MARCHF11: variants seen among roughly 807,000 people sequenced by gnomAD.
MARCHF11 encodes the protein E3 ubiquitin-protein ligase MARCHF11.
A neutral mutation model predicts 37.3 loss-of-function variants in MARCHF11; 29 were observed. The ratio of observed to expected loss-of-function variants is 0.78; its 90% CI spans 0.58 to 1.06. MARCHF11 has a LOEUF of 1.06. Ranked by LOEUF, MARCHF11 falls within the 50% of genes least tolerant of loss-of-function variation. MARCHF11 has a pLI of 0.00. For missense variants in MARCHF11, 482 were observed against 533.4 expected, an observed-to-expected ratio of 0.90 and a Z score of 0.95; for synonymous variants, 233 against 228.0, an observed-to-expected ratio of 1.02 and a Z score of -0.20.
In MARCHF11 at chr5:16,179,619, G is replaced by T; in HGVS notation, c.-44C>A. On this transcript the variant is annotated 5_prime_UTR_variant, in exon 1 of 4. Coordinates refer to ENST00000332432, the MANE Select transcript of MARCHF11 (RefSeq NM_001102562.3). ...CTCCTGCCGGCCCGGCTGGCGGGCC[G>T]GGCTCTGGCTGCAGGGAAAGAGAGC... 1 of 1,143,002 alleles carries T rather than the reference G, an allele frequency of 8.7e-7. No homozygotes were observed. The allele number at this position is 1,143,002 out of a possible 1,614,324, so 70.8% of individuals were successfully genotyped here. A position where few individuals can be genotyped will look rare whatever the true frequency, so the allele number is the denominator to read the frequency against.
At chr5:16,102,480 C>A (rs1358400127) in intron 2 of MARCHF11, among the ~76,000 whole-genome samples, 1 of 152,154 alleles carries the variant, frequency 6.6e-6, no homozygotes, top group African/African-American at 2.4e-5. Context: ...ACCCCAGACC[C>A]CAGACTCAAC....
chr5:16,150,781 C>T (rs1737876302), intron 2 of MARCHF11, among the ~76,000 whole-genome samples: 1 of 152,006 alleles, frequency 6.6e-6, no homozygotes, highest in African/African-American at 2.4e-5. Context: ...ATTTTCCACA[C>T]TGGATTATAA....
intron 3 of MARCHF11, among the ~76,000 whole-genome samples, chr5:16,069,166 C>T (rs1447243337): frequency 6.6e-6 from 1 of 152,130 alleles, no homozygotes; most frequent in African/African-American, 2.4e-5. Flanking sequence ...ACATAGTCAT[C>T]TGCATTAATG....
intron 2 of MARCHF11, among the ~76,000 whole-genome samples, chr5:16,177,456 C>G (rs1043407276): frequency 4.6e-5 from 7 of 151,936 alleles, no homozygotes; most frequent in African/African-American, 1.7e-4. Context: ...TACCAACTTG[C>G]CTTTTTAGAA....
At chr5:16,120,193 T>C (rs1032650166) in intron 2 of MARCHF11, among the ~76,000 whole-genome samples, 6 of 152,238 alleles carry the variant, frequency 3.9e-5, no homozygotes, top group African/African-American at 1.4e-4. Flanking sequence ...ATATCTACCA[T>C]GTGCCAGCCA....
chr5:16,079,889 G>A (rs768439003), intron 3 of MARCHF11, among the ~76,000 whole-genome samples: 4 of 152,154 alleles, frequency 2.6e-5, no homozygotes, highest in Non-Finnish European at 4.4e-5. Flanking sequence ...GCAAGGCAAA[G>A]CCCTTCCTGG....
At chr5:16,166,852 A>G (rs891418775) in intron 2 of MARCHF11, among the ~76,000 whole-genome samples, 4 of 151,760 alleles carry the variant, frequency 2.6e-5, no homozygotes, top group Admixed American at 1.3e-4. Flanking sequence ...ATCATCCAGT[A>G]TATTTGTCAG....
chr5:16,158,952 GA>G (rs746548536), intron 2 of MARCHF11, among the ~76,000 whole-genome samples: 7 of 151,828 alleles, frequency 4.6e-5, no homozygotes, highest in Non-Finnish European at 1.0e-4. Flanking sequence ...AAATTGCTGA[GA>G]GTAGATTTTA....
chr5:16,126,510 T>C (rs1737410554), intron 2 of MARCHF11, among the ~76,000 whole-genome samples: 1 of 152,228 alleles, frequency 6.6e-6, no homozygotes, highest in South Asian at 2.1e-4. Context: ...CCCGATTTAA[T>C]ACTTCTCATT....
At chr5:16,099,388 C>T (rs1247069474) in intron 2 of MARCHF11, among the ~76,000 whole-genome samples, 2 of 152,102 alleles carry the variant, frequency 1.3e-5, no homozygotes, top group Admixed American at 6.5e-5. Context: ...CAACTGTTTA[C>T]ATATTATAAT....
intron 2 of MARCHF11, among the ~76,000 whole-genome samples, chr5:16,167,722 T>C (rs1342599677): frequency 6.6e-6 from 1 of 152,110 alleles, no homozygotes; most frequent in Admixed American, 6.5e-5. Context: ...TTAACTACTT[T>C]TTGTATTTAT....
At chr5:16,067,849 G>A in intron 3 of MARCHF11, 56 bp from the exon 4 acceptor site, 1 of 1,457,392 alleles carries the variant, frequency 6.9e-7, no homozygotes, top group Non-Finnish European at 9.2e-7. Context: ...AAGGCTGGGA[G>A]TGTTATTTTG....
At chr5:16,119,293 C>T (rs571877520) in intron 2 of MARCHF11, among the ~76,000 whole-genome samples, 3 of 151,650 alleles carry the variant, frequency 2.0e-5, no homozygotes, top group South Asian at 2.1e-4. Flanking sequence ...ACCCAGGAGG[C>T]GGAGGTTACA....
At chr5:16,095,192 G>A (rs1736845752) in intron 2 of MARCHF11, among the ~76,000 whole-genome samples, 1 of 152,104 alleles carries the variant, frequency 6.6e-6, no homozygotes, top group African/African-American at 2.4e-5. Flanking sequence ...GTCTTCTCTA[G>A]GCTATTGAAA....
intron 2 of MARCHF11, among the ~76,000 whole-genome samples, chr5:16,169,255 T>C (rs1047580031): frequency 6.6e-6 from 1 of 152,026 alleles, no homozygotes; most frequent in Non-Finnish European, 1.5e-5. Flanking sequence ...TGGATACTTA[T>C]GGGCGACATC....
chr5:16,124,047 G>A (rs1483542512), intron 2 of MARCHF11, among the ~76,000 whole-genome samples: 1 of 152,202 alleles, frequency 6.6e-6, no homozygotes, highest in Non-Finnish European at 1.5e-5. Flanking sequence ...TTATCAAGCC[G>A]AAATCTTTAA....
At chr5:16,106,345 T>C (rs1345940851) in intron 2 of MARCHF11, among the ~76,000 whole-genome samples, 1 of 152,130 alleles carries the variant, frequency 6.6e-6, no homozygotes, top group Non-Finnish European at 1.5e-5. Flanking sequence ...CTACATAACA[T>C]CCAACAATAT....
chr5:16,146,204 T>G (rs1737792705), intron 2 of MARCHF11, among the ~76,000 whole-genome samples: 1 of 152,216 alleles, frequency 6.6e-6, no homozygotes, highest in East Asian at 1.9e-4. Context: ...GGAACCTTTT[T>G]GCTTCTATTC....
At chr5:16,116,166 G>A (rs1737223544) in intron 2 of MARCHF11, among the ~76,000 whole-genome samples, 1 of 152,162 alleles carries the variant, frequency 6.6e-6, no homozygotes, top group South Asian at 2.1e-4. Context: ...TCAATGAATA[G>A]TATTCTTGAA....
Sources: allele counts gnomAD v4.1 joint callset (sites outside exome capture counted in the v4.1 genomes callset), GRCh38; gene constraint gnomAD v4.1.1; transcripts MANE v1.5; gene names NCBI Gene and HGNC (gene_info 2026-07-23, HGNC 2026-07-21).